TMEM108: variants seen among roughly 807,000 people sequenced by gnomAD.
The protein encoded by TMEM108 is cancer/testis antigen 124.
TMEM108 carries 12 observed loss-of-function variants against 35.1 expected under a neutral mutation model. The ratio of observed to expected loss-of-function variants is 0.34; its 90% CI spans 0.22 to 0.55. The LOEUF (loss-of-function observed/expected upper bound fraction) is 0.55. Ranked by LOEUF, TMEM108 falls within the 20% of genes least tolerant of loss-of-function variation. TMEM108 has a pLI of 0.89. For missense variants in TMEM108, 680 were observed against 753.3 expected (o/e 0.90, Z 1.14); for synonymous variants, 287 against 308.6 (o/e 0.93, Z 0.73).
In TMEM108 at chr3:133,047,557, T is replaced by C. The variant is rs148299841; in HGVS notation, c.-47+1537T>C. On this transcript the variant is annotated intron_variant, in intron 2 of 5. Transcript: ENST00000321871. Reference sequence around the variant, plus strand: ...GGCAATTCTTGTGTGGAGTGTCCTGTGCATTGTAGGATGTTCAGCAGTGTC... The same window carrying C: ...GGCAATTCTTGTGTGGAGTGTCCTGCGCATTGTAGGATGTTCAGCAGTGTC... Among the ~76,000 whole-genome samples the C allele has an allele frequency of 3.2e-4, 48 of 151,962 alleles. 1 individual carries two copies. The highest frequency in any genetic ancestry group is 1.0e-3 in the African/African-American group (43 of 41,452).
intron 3 of TMEM108, among the ~76,000 whole-genome samples, chr3:133,252,061 C>T (rs1946479626): frequency 1.3e-5 from 2 of 152,200 alleles, no homozygotes; most frequent in Middle Eastern, 3.4e-3. Context: ...GTTACTGTCA[C>T]CATCGATGTA....
intron 3 of TMEM108, among the ~76,000 whole-genome samples, chr3:133,322,707 C>T (rs1015617155): frequency 6.6e-6 from 1 of 151,858 alleles, no homozygotes; most frequent in Non-Finnish European, 1.5e-5. Context: ...CAGGAAAGGA[C>T]ATAACAAAAA....
intron 2 of TMEM108, among the ~76,000 whole-genome samples, chr3:133,207,195 C>T (rs1347548278): frequency 1.3e-5 from 2 of 152,170 alleles, no homozygotes. Context: ...TGCACCGTTC[C>T]TCAGGATACA....
intron 3 of TMEM108, among the ~76,000 whole-genome samples, chr3:133,272,299 GTGTGTGTGTGTGTT>G (rs1193681094): frequency 8.7e-5 from 13 of 149,754 alleles, no homozygotes; most frequent in Non-Finnish European, 1.6e-4. Context: ...GTGTGTGTGT[GTGTGTGTGTGTGTT>G]TCCTAAAGGA....
intron 2 of TMEM108, among the ~76,000 whole-genome samples, chr3:133,180,234 T>A (rs111912315): frequency 1.3e-5 from 2 of 152,082 alleles, no homozygotes; most frequent in African/African-American, 4.8e-5. Context: ...TCTGTGGGAA[T>A]ATTGCATTTT....
intron 3 of TMEM108, among the ~76,000 whole-genome samples, chr3:133,280,650 A>C (rs1265834460): frequency 6.6e-6 from 1 of 152,220 alleles, no homozygotes; most frequent in Admixed American, 6.5e-5. Context: ...CAATGCCCCC[A>C]AAAACTTAGT....
chr3:133,041,291 C>T (rs1157884119), intron 1 of TMEM108, among the ~76,000 whole-genome samples: 4 of 152,100 alleles, frequency 2.6e-5, no homozygotes, highest in South Asian at 2.1e-4. Context: ...ATCAGTTATG[C>T]TTGTAATGTG....
intron 2 of TMEM108, among the ~76,000 whole-genome samples, chr3:133,136,273 T>G (rs1360771419): frequency 6.6e-6 from 1 of 152,212 alleles, no homozygotes; most frequent in Non-Finnish European, 1.5e-5. Flanking sequence ...TAGCACTGTT[T>G]TCAGGCTGAC....
At chr3:133,091,204 G>A (rs1358152550) in intron 2 of TMEM108, among the ~76,000 whole-genome samples, 2 of 151,954 alleles carry the variant, frequency 1.3e-5, no homozygotes, top group Non-Finnish European at 2.9e-5. Flanking sequence ...GTATATCTTT[G>A]ATTACCTGAG....
At chr3:133,356,286 A>C (rs2107782413) in intron 3 of TMEM108, among the ~76,000 whole-genome samples, 1 of 152,170 alleles carries the variant, frequency 6.6e-6, no homozygotes, top group South Asian at 2.1e-4. Flanking sequence ...GATCTCTACA[A>C]GGAAAACTAC....
chr3:133,250,552 C>T (rs890228043), intron 3 of TMEM108, among the ~76,000 whole-genome samples: 3 of 152,186 alleles, frequency 2.0e-5, no homozygotes, highest in African/African-American at 7.2e-5. Context: ...TGTGGATTTT[C>T]AACTGTGCAG....
intron 3 of TMEM108, among the ~76,000 whole-genome samples, chr3:133,268,472 A>C (rs952495161): frequency 6.6e-6 from 1 of 152,168 alleles, no homozygotes; most frequent in Non-Finnish European, 1.5e-5. Flanking sequence ...ATGTTGTAGA[A>C]ATAATTAGGA....
chr3:133,388,586 T>A (rs764326146), intron 4 of TMEM108: 72 of 985,314 alleles, frequency 7.3e-5, no homozygotes, highest in Non-Finnish European at 8.6e-5. Flanking sequence ...ATTCCTTCTA[T>A]GTTTTAAAGA....
chr3:133,200,897 A>G (rs1321934717), intron 2 of TMEM108, among the ~76,000 whole-genome samples: 2 of 152,228 alleles, frequency 1.3e-5, no homozygotes. Context: ...AATGCTTAGT[A>G]ACCACATGTA....
chr3:133,127,716 C>T (rs1421788777), intron 2 of TMEM108, among the ~76,000 whole-genome samples: 1 of 152,178 alleles, frequency 6.6e-6, no homozygotes, highest in Non-Finnish European at 1.5e-5. Context: ...TATAGGCCCC[C>T]TTTATCTTTC....
chr3:133,162,343 T>G (rs1944973209), intron 2 of TMEM108, among the ~76,000 whole-genome samples: 1 of 152,154 alleles, frequency 6.6e-6, no homozygotes, highest in Non-Finnish European at 1.5e-5. Flanking sequence ...TACTTTAGGT[T>G]AGAAACTGGA....
chr3:133,144,021 G>A (rs917592070), intron 2 of TMEM108, among the ~76,000 whole-genome samples: 1 of 149,894 alleles, frequency 6.7e-6, no homozygotes, highest in Non-Finnish European at 1.5e-5. Flanking sequence ...TGTGCAGAAC[G>A]TGCAGCTTTG....
intron 2 of TMEM108, among the ~76,000 whole-genome samples, chr3:133,103,036 C>T (rs1355914977): frequency 6.6e-6 from 1 of 152,180 alleles, no homozygotes; most frequent in East Asian, 1.9e-4. Context: ...GGCAATTCCT[C>T]ATACCTAAAG....
chr3:133,157,147 G>A (rs1213479721), intron 2 of TMEM108, among the ~76,000 whole-genome samples: 1 of 152,124 alleles, frequency 6.6e-6, no homozygotes, highest in African/African-American at 2.4e-5. Context: ...TGTGTCTGCT[G>A]CATGTTAGAT....
Sources: gnomAD v4.1 joint callset for allele counts (sites outside exome capture counted in the v4.1 genomes callset) on GRCh38, gnomAD v4.1.1 for gene constraint, MANE v1.5 for transcripts, NCBI Gene and HGNC (gene_info 2026-07-23, HGNC 2026-07-21) for gene names.